SSBP3: variants seen among roughly 807,000 people sequenced by gnomAD.
SSBP3 encodes single stranded DNA binding protein 3, also known as single-stranded DNA-binding protein 3.
Under a neutral mutation model 69.6 loss-of-function variants are expected in SSBP3, and 5 were observed. That is an observed-to-expected ratio of 0.07 (90% CI 0.04 to 0.15). The LOEUF is 0.15. SSBP3 is among the 10% of genes least tolerant of loss of function. The pLI, the probability that SSBP3 is intolerant of heterozygous loss-of-function variation, is 1.00. For missense variants in SSBP3, 312 were observed against 534.0 expected, an observed-to-expected ratio of 0.58 and a Z score of 4.10; for synonymous variants, 196 against 193.4, an observed-to-expected ratio of 1.01 and a Z score of -0.11.
intron 6 of SSBP3, among the ~76,000 whole-genome samples, chr1:54,257,629 G>C (rs1478516072): frequency 1.3e-5 from 2 of 152,162 alleles, no homozygotes; most frequent in African/African-American, 4.8e-5. Flanking sequence ...GGGACAGAGA[G>C]GGGAGCAAGG....
chr1:54,252,327 C>T (rs1644844444), intron 7 of SSBP3, among the ~76,000 whole-genome samples: 1 of 152,242 alleles, frequency 6.6e-6, no homozygotes, highest in Non-Finnish European at 1.5e-5. Context: ...GAGACACCCA[C>T]TACCTAAAAT....
chr1:54,380,338 C>T (rs542365924), intron 4 of SSBP3, among the ~76,000 whole-genome samples: 15 of 152,304 alleles, frequency 9.8e-5, no homozygotes, highest in African/African-American at 3.6e-4. Flanking sequence ...CTTGATTACA[C>T]CCTGGACAGT....
In SSBP3 at chr1:54,269,547, G is replaced by A. The variant is rs186565941; in HGVS notation, c.367-11398C>T. Among the ~76,000 whole-genome samples the A allele has an allele frequency of 5.0e-3, 756 of 152,310 alleles. 5 individuals are homozygous for A. The highest frequency in any genetic ancestry group is 0.017 in the African/African-American group (716 of 41,552). The stretch of plus-strand genomic sequence containing the variant: ...GATTGGCTATTACAATTAATCTAGC[G>A]AATCGGAACTTAGCTAGATACGCAT... On this transcript the variant is annotated intron_variant, in intron 5 of 17. Coordinates refer to ENST00000610401, the Ensembl canonical transcript of SSBP3.
chr1:54,242,165 G>A, exon 11 of SSBP3: 1 of 1,613,364 alleles, frequency 6.2e-7, no homozygotes, highest in Non-Finnish European at 8.5e-7. Flanking sequence ...GGTACTCACT[G>A]AGTTAGCACT....
intron 4 of SSBP3, among the ~76,000 whole-genome samples, chr1:54,367,670 C>T (rs1647050452): frequency 6.6e-6 from 1 of 152,178 alleles, no homozygotes. Context: ...CAAAGGCTGC[C>T]TCTGCGGCGG....
At chr1:54,401,114 T>C (rs1342132026) in intron 4 of SSBP3, among the ~76,000 whole-genome samples, 1 of 152,186 alleles carries the variant, frequency 6.6e-6, no homozygotes, top group East Asian at 1.9e-4. Context: ...CAAGTGTGAC[T>C]GCAACCCAGG....
In SSBP3 at chr1:54,378,061, T is replaced by C. The variant is rs564233846; in HGVS notation, c.276+23800A>G. ...TCTACGGAACCTCTACAGGCCCCGG[T>C]CCCCTGCACTCTCCTGACGTGCAGG... is the stretch of plus-strand genomic sequence containing the variant. On this transcript the variant is annotated intron_variant, in intron 4 of 17. Coordinates refer to ENST00000610401, the Ensembl canonical transcript of SSBP3. Among the ~76,000 whole-genome samples the C allele has an allele frequency of 2.0e-4, 30 of 152,236 alleles. No individual in the cohort carries two copies. In the East Asian group the frequency reaches 5.8e-3, roughly 29 times the overall value.
chr1:54,249,653 C>A (rs116396088), intron 9 of SSBP3, among the ~76,000 whole-genome samples: 9,856 of 150,462 alleles, frequency 0.066, 426 homozygotes, highest in South Asian at 0.22. Context: ...ACAGAGTAAA[C>A]CCTCAAAAAA....
chr1:54,376,295 C>T (rs140233698), intron 4 of SSBP3, among the ~76,000 whole-genome samples: 1 of 152,290 alleles, frequency 6.6e-6, no homozygotes, highest in African/African-American at 2.4e-5. Flanking sequence ...CCCCTTTCCT[C>T]AAGTTCTTTA....
At chr1:54,371,023 C>T (rs531623095) in intron 4 of SSBP3, among the ~76,000 whole-genome samples, 1 of 152,258 alleles carries the variant, frequency 6.6e-6, no homozygotes, top group African/African-American at 2.4e-5. Context: ...GGGCCAACCC[C>T]CTCTCCAGTG....
chr1:54,233,541 G>A (rs576947378), intron 14 of SSBP3, among the ~76,000 whole-genome samples: 1 of 146,802 alleles, frequency 6.8e-6, no homozygotes, highest in East Asian at 2.0e-4. Flanking sequence ...GGAGGTGGGG[G>A]GGGTAAGCCC....
intron 4 of SSBP3, among the ~76,000 whole-genome samples, chr1:54,390,647 C>CT (rs1219727044): frequency 7.2e-5 from 11 of 152,254 alleles, no homozygotes; most frequent in African/African-American, 2.4e-4. Context: ...CTGAAATGCT[C>CT]TGCTGAAACC....
intron 4 of SSBP3, among the ~76,000 whole-genome samples, chr1:54,391,502 G>A (rs1466970667): frequency 6.6e-6 from 1 of 152,226 alleles, no homozygotes. Context: ...TCAAAGCGCT[G>A]CAGCAGTATC....
chr1:54,397,757 T>C (rs1338874887), intron 4 of SSBP3, among the ~76,000 whole-genome samples: 1 of 152,182 alleles, frequency 6.6e-6, no homozygotes, highest in Non-Finnish European at 1.5e-5. Context: ...CAGCTGTCCA[T>C]GAGCCTCCTG....
chr1:54,313,943 T>C (rs1000840052), intron 4 of SSBP3, among the ~76,000 whole-genome samples: 1 of 152,110 alleles, frequency 6.6e-6, no homozygotes, highest in Non-Finnish European at 1.5e-5. Context: ...TTTGTATTTT[T>C]AGTAGAGACG....
intron 4 of SSBP3, among the ~76,000 whole-genome samples, chr1:54,330,114 G>A (rs555784969): frequency 3.3e-5 from 5 of 152,178 alleles, no homozygotes; most frequent in Admixed American, 1.3e-4. Flanking sequence ...AGAACAAAAC[G>A]GACCTGCATG....
At chr1:54,407,188 TAAGAG>T (rs1649841803), upstream of SSBP3, among the ~76,000 whole-genome samples, 1 of 151,594 alleles carries the variant, frequency 6.6e-6, no homozygotes, top group Non-Finnish European at 1.5e-5. Context: ...GGACTTGAAT[TAAGAG>T]GAGGGAGAGT....
At chr1:54,391,996 G>A (rs890009104) in intron 4 of SSBP3, among the ~76,000 whole-genome samples, 2 of 151,402 alleles carry the variant, frequency 1.3e-5, no homozygotes, top group East Asian at 3.9e-4. Flanking sequence ...CCGCTATTAA[G>A]AAGAGTGTCC....
At chr1:54,290,553 G>C (rs772012738) in intron 4 of SSBP3, among the ~76,000 whole-genome samples, 3 of 152,246 alleles carry the variant, frequency 2.0e-5, no homozygotes, top group Non-Finnish European at 4.4e-5. Flanking sequence ...TCCCTGGGCT[G>C]GGAAGTCTGA....
Sources: gnomAD v4.1 joint callset for allele counts (sites outside exome capture counted in the v4.1 genomes callset) on GRCh38, gnomAD v4.1.1 for gene constraint, MANE v1.5 for transcripts, NCBI Gene and HGNC (gene_info 2026-07-23, HGNC 2026-07-21) for gene names.